NCAM1: variants seen among roughly 807,000 people sequenced by gnomAD.
The protein encoded by NCAM1 is antigen recognized by monoclonal antibody 5.1H11.
A neutral mutation model predicts 109.8 loss-of-function variants in NCAM1; 14 were observed. The observed-to-expected ratio is 0.13, with a 90% CI of 0.08 to 0.20. The LOEUF (loss-of-function observed/expected upper bound fraction) is 0.20, where lower values mean the gene tolerates loss of function less well. Ranked by LOEUF, NCAM1 falls within the 10% of genes least tolerant of loss-of-function variation. The pLI, the probability that NCAM1 is intolerant of heterozygous loss-of-function variation, is 1.00. For synonymous variants in NCAM1, 418 were observed against 442.9 expected, an observed-to-expected ratio of 0.94 and a Z score of 0.70; for missense variants, 774 against 1,109.9, an observed-to-expected ratio of 0.70 and a Z score of 4.30.
intron 1 of NCAM1, chr11:113,197,133 GC>G: frequency 5.6e-6 from 1 of 178,258 alleles, no homozygotes; most frequent in African/African-American, 2.4e-5. Context: ...GGGGGAAACT[GC>G]CCCCATGACC....
At chr11:113,015,608 T>C (rs191410814) in intron 1 of NCAM1, among the ~76,000 whole-genome samples, 56 of 151,928 alleles carry the variant, frequency 3.7e-4, no homozygotes, top group Admixed American at 3.1e-3. Flanking sequence ...TGGTCATGGG[T>C]ACCTGTAATT....
At chr11:112,992,797 G>A (rs1231788384) in intron 1 of NCAM1, among the ~76,000 whole-genome samples, 4 of 152,036 alleles carry the variant, frequency 2.6e-5, no homozygotes, top group South Asian at 4.1e-4. Flanking sequence ...GTGAGCCACC[G>A]CACCCGGCCT....
rs1555063448 is a variant in NCAM1 at position 112,962,209 on chromosome 11, T to TGCAAAATGGG, written c.52+556_52+565dup. On this transcript the variant is annotated intron_variant, in intron 1 of 19. Transcript: ENST00000316851. The surrounding 1 kb of genome is among the most constrained non-coding windows in gnomAD (Gnocchi z 5.6). ...CCCCCGCCCCAGAAGAATAACGGTTTGCAAAATGGGGCAAAATGGGCAGAA... is the reference window on the plus strand; with the variant it reads ...CCCCCGCCCCAGAAGAATAACGGTTTGCAAAATGGGGCAAAATGGGGCAAAATGGGCAGAA... 6.6e-6 allele frequency among the ~76,000 whole-genome samples: 1 copy of TGCAAAATGGG among 152,202 alleles called. No individual in the cohort carries two copies. The highest frequency in any genetic ancestry group is 1.9e-4 in the East Asian group (1 of 5,184).
At chr11:113,064,745 G>A (rs535083355) in intron 1 of NCAM1, among the ~76,000 whole-genome samples, 1 of 152,206 alleles carries the variant, frequency 6.6e-6, no homozygotes, top group South Asian at 2.1e-4. Context: ...AGTGCTAGGT[G>A]CCATGGCAAA....
At chr11:113,019,344 G>A (rs1454776563) in intron 1 of NCAM1, among the ~76,000 whole-genome samples, 1 of 152,118 alleles carries the variant, frequency 6.6e-6, no homozygotes, top group Non-Finnish European at 1.5e-5. Flanking sequence ...TAGGGACGTC[G>A]CTTTACCTTC....
chr11:113,197,607 C>T (rs781871757), intron 1 of NCAM1, among the ~76,000 whole-genome samples: 2 of 152,114 alleles, frequency 1.3e-5, no homozygotes, highest in African/African-American at 2.4e-5. Context: ...TCTACATTGG[C>T]CTTGGGCCCT....
intron 1 of NCAM1, chr11:113,133,343 GT>G (rs1294010171): frequency 6.6e-6 from 1 of 152,214 alleles, no homozygotes; most frequent in African/African-American, 2.4e-5. Context: ...TAATCTGACT[GT>G]TTTCTGTTTC....
At chr11:113,198,027 A>G (rs1393044755) in intron 1 of NCAM1, among the ~76,000 whole-genome samples, 2 of 152,178 alleles carry the variant, frequency 1.3e-5, no homozygotes, top group Non-Finnish European at 2.9e-5. Flanking sequence ...ACATATCATC[A>G]GTTTAAAAAA....
In NCAM1 at chr11:113,214,369, C is replaced by A. The variant is rs782276642; in HGVS notation, c.917C>A (p.Ala306Glu). 1.9e-6 allele frequency: 3 copies of A among 1,613,296 alleles called. No individual in the cohort carries two copies. The highest frequency in any genetic ancestry group is 2.2e-5 in the East Asian group (1 of 44,880). ...QDATIHLKVF[A>E]KPKITYVENQ... ...TCAGAGAAATGTTTTGTCTTTTCAGCAAAACCCAAAATCACATATGTAGAG... is the reference window on the plus strand; with the variant it reads ...TCAGAGAAATGTTTTGTCTTTTCAGAAAAACCCAAAATCACATATGTAGAG... Residue 306 changes from alanine (A) to glutamate (E), a missense_variant and splice_region_variant, in exon 8 of 20, where the codon GCA becomes GAA. This residue lies in a region of NCAM1 where 523 missense variants were observed against 784.2 expected (regional missense o/e 0.67). Coordinates refer to ENST00000316851, the MANE Select transcript of NCAM1 (RefSeq NM_181351.5).
chr11:113,243,358 C>G (rs987734084), intron 14 of NCAM1, among the ~76,000 whole-genome samples: 1 of 152,138 alleles, frequency 6.6e-6, no homozygotes, highest in East Asian at 1.9e-4. Flanking sequence ...TCTCCGCGTA[C>G]GCAGAGCACA....
chr11:112,970,328 C>A (rs949015810), intron 1 of NCAM1, among the ~76,000 whole-genome samples: 3 of 152,112 alleles, frequency 2.0e-5, no homozygotes, highest in African/African-American at 7.2e-5. Context: ...CATTGCAGCA[C>A]TAAAAGGGAA....
intron 1 of NCAM1, among the ~76,000 whole-genome samples, chr11:112,996,334 A>G (rs964261823): frequency 1.9e-4 from 29 of 152,168 alleles, no homozygotes; most frequent in Admixed American, 6.5e-5. Context: ...TCAGTATACA[A>G]TCACAGTACT....
intron 17 of NCAM1, chr11:113,264,479 G>A (rs1457728635): frequency 2.0e-6 from 2 of 985,716 alleles, no homozygotes. Context: ...AGTCCCAGAT[G>A]GCGCTTCACA....
At chr11:113,138,955 T>C (rs906612734) in intron 1 of NCAM1, among the ~76,000 whole-genome samples, 12 of 152,196 alleles carry the variant, frequency 7.9e-5, no homozygotes, top group Admixed American at 1.3e-4. Context: ...CTGCCTAGCA[T>C]AGGTCGATGA....
At chr11:113,072,733 C>CTT (rs11373449) in intron 1 of NCAM1, among the ~76,000 whole-genome samples, 32,924 of 145,338 alleles carry the variant, frequency 0.23, 3,975 homozygotes, top group East Asian at 0.47. Flanking sequence ...CTAGAGTCAT[C>CTT]TTTTTTTTTT....
intron 1 of NCAM1, among the ~76,000 whole-genome samples, chr11:113,137,852 C>A (rs1017693763): frequency 1.1e-4 from 16 of 152,116 alleles, no homozygotes; most frequent in African/African-American, 3.9e-4. Flanking sequence ...TTTGACCAGT[C>A]GTGTTCGGAA....
intron 1 of NCAM1, among the ~76,000 whole-genome samples, chr11:113,085,782 G>T (rs1939054618): frequency 6.6e-6 from 1 of 152,184 alleles, no homozygotes; most frequent in Non-Finnish European, 1.5e-5. Flanking sequence ...AGCTGACATA[G>T]TACTTTACGG....
chr11:113,055,949 ATCAGTGG>A (rs1555082462), intron 1 of NCAM1, among the ~76,000 whole-genome samples: 1 of 138,556 alleles, frequency 7.2e-6, no homozygotes, highest in Non-Finnish European at 1.6e-5. Flanking sequence ...CTAAATGTCC[ATCAGTGG>A]ATGAATGGAT....
intron 17 of NCAM1, among the ~76,000 whole-genome samples, chr11:113,261,862 C>G (rs931277842): frequency 6.6e-6 from 1 of 152,140 alleles, no homozygotes; most frequent in East Asian, 1.9e-4. Context: ...GCTGGGTACT[C>G]CTAGCAGCAC....
Sources: allele counts gnomAD v4.1 joint callset (sites outside exome capture counted in the v4.1 genomes callset), GRCh38; gene constraint gnomAD v4.1.1; regional missense constraint gnomAD v4.1.1; non-coding constraint Gnocchi (gnomAD v3.1); transcripts MANE v1.5; gene names NCBI Gene and HGNC (gene_info 2026-07-23, HGNC 2026-07-21).